The following CAST variants were observed in gnomAD, a reference collection of about 807,000 sequenced individuals.
CAST encodes the protein MIR583 host.
A neutral mutation model predicts 119.6 loss-of-function variants in CAST; 76 were observed. The observed-to-expected ratio is 0.64, with a 90% CI of 0.53 to 0.77. The LOEUF (loss-of-function observed/expected upper bound fraction) is 0.77, where lower values mean the gene tolerates loss of function less well. Ranked by LOEUF, CAST falls within the 30% of genes least tolerant of loss-of-function variation. The probability of loss-of-function intolerance (pLI) is 0.00; values close to 1 mark genes in which losing one functional copy is unlikely to be tolerated. For synonymous variants in CAST, 319 were observed against 331.6 expected (o/e 0.96, Z 0.41); for missense variants, 953 against 946.5 (o/e 1.01, Z -0.09).
the CAST span, among the ~76,000 whole-genome samples, chr5:96,488,247 T>C: frequency 6.6e-6 from 1 of 152,178 alleles, no homozygotes; most frequent in South Asian, 2.1e-4. Flanking sequence ...TAGAGAATTG[T>C]AGTCCCTTTT....
the CAST span, among the ~76,000 whole-genome samples, chr5:96,343,196 T>A: frequency 6.6e-6 from 1 of 152,174 alleles, no homozygotes; most frequent in Non-Finnish European, 1.5e-5. Context: ...TTACAGATTT[T>A]AAAAATTCTT....
the CAST span, among the ~76,000 whole-genome samples, chr5:96,098,456 GTTTTACATTGAAGTCTTTAA>G: frequency 6.6e-6 from 1 of 152,094 alleles, no homozygotes; most frequent in African/African-American, 2.4e-5. Flanking sequence ...ATAGTTTTTG[GTTTTACATTGAAGTCTTTAA>G]TCCATCTTGA....
At chr5:96,635,092 G>A (rs1747869552) in intron 1 of CAST, among the ~76,000 whole-genome samples, 1 of 152,222 alleles carries the variant, frequency 6.6e-6, no homozygotes, top group Non-Finnish European at 1.5e-5. Context: ...TGACACAGTA[G>A]GTGGGTGGAT....
the CAST span, among the ~76,000 whole-genome samples, chr5:96,059,410 G>T: frequency 7.9e-5 from 12 of 152,132 alleles, no homozygotes; most frequent in Non-Finnish European, 1.5e-4. Flanking sequence ...TCAGGAAGAA[G>T]TCCCCTGCAA....
chr5:96,358,686 G>A, the CAST span, among the ~76,000 whole-genome samples: 1 of 152,166 alleles, frequency 6.6e-6, no homozygotes, highest in African/African-American at 2.4e-5. Flanking sequence ...TTGCAGTGTG[G>A]TCTAAGACAC....
chr5:96,497,030 G>C, the CAST span, among the ~76,000 whole-genome samples: 22 of 112,544 alleles, frequency 2.0e-4, no homozygotes, highest in South Asian at 6.5e-3. Context: ...CCCACAACAG[G>C]CCCCAGTGTG....
chr5:96,572,250 G>C (rs536732106), intron 1 of CAST, among the ~76,000 whole-genome samples: 3 of 151,718 alleles, frequency 2.0e-5, no homozygotes, highest in Admixed American at 2.0e-4. Flanking sequence ...TCCCAGGCTG[G>C]AGTGCAGTGG....
At chr5:96,439,668 C>G in the CAST span, among the ~76,000 whole-genome samples, 1 of 152,158 alleles carries the variant, frequency 6.6e-6, no homozygotes, top group Non-Finnish European at 1.5e-5. Flanking sequence ...GCTTCACACC[C>G]CCGAACCAAC....
chr5:96,084,931 C>T, the CAST span, among the ~76,000 whole-genome samples: 1 of 152,206 alleles, frequency 6.6e-6, no homozygotes. Context: ...CCCATGCTCA[C>T]TACTGTATAT....
chr5:96,545,497 T>C (rs1049629024), intron 1 of CAST, among the ~76,000 whole-genome samples: 4 of 152,196 alleles, frequency 2.6e-5, no homozygotes, highest in African/African-American at 9.7e-5. Flanking sequence ...ATTTTTTTCA[T>C]TCCAATAGAA....
At chr5:96,433,122 C>G in the CAST span, 6 of 1,323,654 alleles carry the variant, frequency 4.5e-6, no homozygotes, top group South Asian at 5.9e-5. Context: ...GACAGACTCC[C>G]CCTTCCCACC....
chr5:96,287,007 T>G, the CAST span, among the ~76,000 whole-genome samples: 2 of 152,168 alleles, frequency 1.3e-5, no homozygotes, highest in South Asian at 4.1e-4. Flanking sequence ...CTTGTTTGTG[T>G]GTGCATCATA....
intron 1 of CAST, among the ~76,000 whole-genome samples, chr5:96,645,758 G>T (rs958199955): frequency 2.6e-5 from 4 of 151,754 alleles, no homozygotes; most frequent in Admixed American, 1.3e-4. Flanking sequence ...GAAAATAAAA[G>T]AGAGTATTTC....
the CAST span, chr5:96,111,138 G>T: frequency 1.3e-5 from 2 of 152,206 alleles, no homozygotes; most frequent in African/African-American, 4.8e-5. Context: ...CCTCAAGTCT[G>T]ATAATTTGCT....
rs1581252825 is a variant in CAST at position 96,748,633 on chromosome 5, A to C, written c.1428+20A>C. ...ACAGAAGTATGTTTCTAAACATATAAATCTCTAGTTTTGAGGTTTGTGATC... is the reference window on the plus strand; with the variant it reads ...ACAGAAGTATGTTTCTAAACATATACATCTCTAGTTTTGAGGTTTGTGATC... On this transcript the variant is annotated intron_variant, in intron 19 of 31. Transcript: ENST00000675179. 4 of 1,181,660 alleles carry C rather than the reference A, an allele frequency of 3.4e-6. No homozygotes were observed. The highest frequency in any genetic ancestry group is 1.8e-5 in the Admixed American group (1 of 55,920). 73.2% of individuals were successfully genotyped at this position (1,181,660 alleles called of 1,614,324 possible).
chr5:96,288,929 G>T, the CAST span, among the ~76,000 whole-genome samples: 7 of 152,044 alleles, frequency 4.6e-5, no homozygotes, highest in African/African-American at 1.4e-4. Flanking sequence ...TCTCTTAGGT[G>T]AGCTGGTTAA....
chr5:96,661,155 T>C (rs1748374434), upstream of CAST, among the ~76,000 whole-genome samples: 1 of 151,032 alleles, frequency 6.6e-6, no homozygotes, highest in Admixed American at 6.6e-5. Flanking sequence ...GGCTCACGCC[T>C]GTAATCCTAG....
intron 1 of CAST, among the ~76,000 whole-genome samples, chr5:96,565,926 C>T (rs1360427750): frequency 6.6e-6 from 1 of 152,174 alleles, no homozygotes; most frequent in Non-Finnish European, 1.5e-5. Context: ...TATCGTGACC[C>T]AGATATAAAT....
At chr5:96,186,292 A>C in the CAST span, among the ~76,000 whole-genome samples, 1 of 152,196 alleles carries the variant, frequency 6.6e-6, no homozygotes, top group Admixed American at 6.5e-5. Context: ...GTCATCTGCA[A>C]ACAAAGATAA....
Sources: gnomAD v4.1 joint callset for allele counts (sites outside exome capture counted in the v4.1 genomes callset) on GRCh38, gnomAD v4.1.1 for gene constraint, MANE v1.5 for transcripts, NCBI Gene and HGNC (gene_info 2026-07-23, HGNC 2026-07-21) for gene names.